AK7: variants seen among roughly 807,000 people sequenced by gnomAD.
AK7 encodes the protein adenylate kinase 7.
In AK7, 78 loss-of-function variants were observed where a neutral mutation model predicts 96.6. That is an observed-to-expected ratio of 0.81 (90% CI 0.67 to 0.97). The LOEUF (loss-of-function observed/expected upper bound fraction) is 0.97. AK7 is among the 50% of genes least tolerant of loss of function. The probability of loss-of-function intolerance (pLI) is 0.00; values close to 1 mark genes in which losing one functional copy is unlikely to be tolerated. For synonymous variants in AK7, 302 were observed against 317.2 expected (o/e 0.95, Z 0.51); for missense variants, 855 against 887.9 (o/e 0.96, Z 0.47).
chr14:96,436,778 T>C (rs768510306), intron 5 of AK7, among the ~76,000 whole-genome samples: 3 of 152,184 alleles, frequency 2.0e-5, no homozygotes, highest in Non-Finnish European at 2.9e-5. Flanking sequence ...TGGCCCCTCC[T>C]CCTTCCCTTC....
chr14:96,401,699 A>G (rs6575584), intron 2 of AK7, among the ~76,000 whole-genome samples: 112,544 of 151,966 alleles, frequency 0.74, 42,270 homozygotes, highest in African/African-American at 0.85. Flanking sequence ...AGGTGAGGGA[A>G]AGGTGAGAAT....
intron 8 of AK7, among the ~76,000 whole-genome samples, chr14:96,447,120 A>G (rs150064400): frequency 3.9e-5 from 6 of 152,290 alleles, no homozygotes; most frequent in East Asian, 3.9e-4. Context: ...TTATATGTAC[A>G]GAGGGAAATA....
At chr14:96,472,362 C>T (rs931320355) in intron 13 of AK7, among the ~76,000 whole-genome samples, 1 of 152,184 alleles carries the variant, frequency 6.6e-6, no homozygotes, top group Non-Finnish European at 1.5e-5. Context: ...ACCCTGTTGC[C>T]AGGTTGATCT....
chr14:96,454,811 G>T (rs935245924), intron 10 of AK7, among the ~76,000 whole-genome samples: 1 of 151,908 alleles, frequency 6.6e-6, no homozygotes, highest in African/African-American at 2.4e-5. Flanking sequence ...CTCCTAAACT[G>T]CTGGGATTAC....
At position 96,484,394 on chromosome 14, in the gene AK7, C is replaced by T. The variant is rs139666924; in HGVS notation, c.1974+1175C>T. On this transcript the variant is annotated intron_variant, in intron 16 of 17. Transcript: ENST00000267584. ...CTGCTCCATCTCCAGTCTGTTCCTA[C>T]GCAGCTGCCAGGTGATCCTTCCAAA... Among the ~76,000 whole-genome samples, 476 of 152,336 alleles carry T rather than the reference C, an allele frequency of 3.1e-3. 2 individuals carry two copies. The highest frequency in any genetic ancestry group is 0.011 in the African/African-American group (454 of 41,576).
rs747861517 is a variant in AK7, at chr14:96,437,019, G to A, written c.610-816G>A. Among the ~76,000 whole-genome samples, 28 of 143,170 alleles carry A rather than the reference G, an allele frequency of 2.0e-4. 1 individual carries two copies. Among genetic ancestry groups the A allele is most frequent in the Non-Finnish European group, 2.6e-4 (17 of 66,378 alleles). 93.9% of individuals were successfully genotyped at this position (143,170 alleles called of 152,430 possible). On this transcript the variant is annotated intron_variant, in intron 5 of 17. Transcript: ENST00000267584. ...ATCAATAATAAAGATGGTATTTTGA[G>A]CTTATCTGGTTAAATATTGAGGCAG...
chr14:96,433,499 G>A (rs930422106), intron 5 of AK7, among the ~76,000 whole-genome samples: 6 of 152,042 alleles, frequency 3.9e-5, no homozygotes, highest in Admixed American at 6.6e-5. Context: ...TGAAGTTCTC[G>A]TGCCATGGTT....
chr14:96,398,277 G>T lies in AK7; in HGVS notation c.294+14G>T, dbSNP rs529120178. 3.1e-6 allele frequency: 5 copies of T among 1,612,084 alleles called. No individual in the cohort carries two copies. Among genetic ancestry groups the T allele is most frequent in the Non-Finnish European group, 4.2e-6 (5 of 1,179,752 alleles). ...GAGACGTACTCTGTAAGTCCCGGAG[G>T]CTCTGGCCAGGAGTAGACAGAGGGA... On this transcript the variant is annotated intron_variant, in intron 2 of 17. Transcript: ENST00000267584.
chr14:96,400,137 C>G (rs1235204387), intron 2 of AK7, among the ~76,000 whole-genome samples: 4 of 140,520 alleles, frequency 2.8e-5, no homozygotes, highest in East Asian at 2.2e-4. Context: ...CTCCTGGGTT[C>G]AAGCGATTCT....
At chr14:96,437,734 C>T (rs960430648) in intron 5 of AK7, 101 bp from the exon 6 acceptor site, 11 of 795,848 alleles carry the variant, frequency 1.4e-5, no homozygotes, top group South Asian at 1.1e-4. Flanking sequence ...CAAGAGTTGA[C>T]GGAAGTTCTG....
Position 96,482,938 on chromosome 14 carries a change from T to C in AK7, c.1754-61T>C, listed in dbSNP as rs1566814740. 7.9e-6 allele frequency: 12 copies of C among 1,524,930 alleles called. No homozygotes were observed. In the African/African-American group the frequency reaches 1.2e-4, roughly 16 times the overall value. The allele number at this position is 1,524,930 out of a possible 1,614,324, so 94.5% of individuals were successfully genotyped here. A position where few individuals can be genotyped will look rare whatever the true frequency, so the allele number is the denominator to read the frequency against. ...GCAAGTTTATAGTAATAAAGAATTT[T>C]CCCAATTGCAGGCAGGCCTAGAATA... On this transcript the variant is annotated intron_variant, in intron 15 of 17. Transcript: ENST00000267584.
intron 6 of AK7, among the ~76,000 whole-genome samples, chr14:96,441,979 T>C (rs1892984111): frequency 6.6e-6 from 1 of 152,164 alleles, no homozygotes; most frequent in Admixed American, 6.6e-5. Flanking sequence ...TGGTGTCACA[T>C]CACTGCTTAG....
At chr14:96,401,250 C>T (rs546198953) in intron 2 of AK7, among the ~76,000 whole-genome samples, 2 of 152,306 alleles carry the variant, frequency 1.3e-5, no homozygotes, top group Admixed American at 6.5e-5. Flanking sequence ...CAGAGCATCA[C>T]CCAAGGCTCT....
intron 5 of AK7, 94 bp downstream of exon 5, chr14:96,421,026 T>G (rs1310164101): frequency 1.2e-6 from 1 of 841,832 alleles, no homozygotes; most frequent in Non-Finnish European, 1.9e-6. Context: ...ATGTCTGAGC[T>G]TTAGGCTCAC....
At position 96,412,509 on chromosome 14, in the gene AK7, C is replaced by T. The variant is rs1455947605; in HGVS notation, c.498+3568C>T. On this transcript the variant is annotated intron_variant, in intron 4 of 17. Transcript: ENST00000267584. ...TCCCAAAGTGCTGGGGTTACAGACA[C>T]GAGCCACTGCGCCCGGCCGTGACTC... is the stretch of plus-strand genomic sequence containing the variant. Among the ~76,000 whole-genome samples the T allele has an allele frequency of 5.4e-5, 8 of 148,798 alleles. No homozygotes were observed. In the South Asian group the frequency reaches 1.3e-3, roughly 24 times the overall value.
intron 12 of AK7, among the ~76,000 whole-genome samples, chr14:96,458,960 C>A (rs1002263096): frequency 8.6e-5 from 11 of 128,234 alleles, no homozygotes; most frequent in East Asian, 2.7e-4. Flanking sequence ...GAAATTATAA[C>A]AAAAAAAAAA....
At chr14:96,410,788 A>T (rs1430403783) in intron 4 of AK7, among the ~76,000 whole-genome samples, 1 of 152,190 alleles carries the variant, frequency 6.6e-6, no homozygotes, top group African/African-American at 2.4e-5. Flanking sequence ...GGATTGCTTG[A>T]GCTCAGGAGT....
At chr14:96,434,422 G>GTCTCTCTCTCTCTCTCTCTCTC (rs3077780) in intron 5 of AK7, among the ~76,000 whole-genome samples, 3 of 149,320 alleles carry the variant, frequency 2.0e-5, no homozygotes, top group African/African-American at 7.4e-5. Flanking sequence ...CTGTCTGTCT[G>GTCTCTCTCTCTCTCTCTCTCTC]TCTCTCTCTC....
intron 5 of AK7, among the ~76,000 whole-genome samples, chr14:96,427,431 T>C (rs1892091736): frequency 6.6e-6 from 1 of 152,164 alleles, no homozygotes; most frequent in South Asian, 2.1e-4. Flanking sequence ...TACACACTTT[T>C]ATAAACAACC....
Sources: allele counts gnomAD v4.1 joint callset (sites outside exome capture counted in the v4.1 genomes callset), GRCh38; gene constraint gnomAD v4.1.1; transcripts MANE v1.5; gene names NCBI Gene and HGNC (gene_info 2026-07-23, HGNC 2026-07-21).